The following PSMB7 variants were observed in gnomAD, a reference collection of about 807,000 sequenced individuals.
PSMB7 encodes proteasome subunit beta type-7.
In PSMB7, 5 loss-of-function variants were observed where a neutral mutation model predicts 28.1. The ratio of observed to expected loss-of-function variants is 0.18; its 90% CI spans 0.09 to 0.37. PSMB7 has a LOEUF of 0.37. PSMB7 is among the 10% of genes least tolerant of loss of function. The pLI is 1.00. For missense variants in PSMB7, 275 were observed against 346.2 expected (o/e 0.79, Z 1.63); for synonymous variants, 122 against 123.7 (o/e 0.99, Z 0.09).
Position 124,353,507 on chromosome 9 carries a change from T to C in PSMB7, c.*91A>G. 1 of 998,486 alleles carries C rather than the reference T, an allele frequency of 1.0e-6. No individual in the cohort carries two copies. The highest frequency in any genetic ancestry group is 1.3e-5 in the South Asian group (1 of 74,838). The allele number at this position is 998,486 out of a possible 1,614,324, so 61.9% of individuals were successfully genotyped here. A position where few individuals can be genotyped will look rare whatever the true frequency, so the allele number is the denominator to read the frequency against. ...TTTTTGTTTTTTATTGAGTTGAGTT[T>C]CATTCGGCAAACACTAGCCACATGA... On this transcript the variant is annotated 3_prime_UTR_variant, in exon 8 of 8. Coordinates refer to ENST00000259457, the MANE Select transcript of PSMB7 (RefSeq NM_002799.4).
intron 5 of PSMB7, among the ~76,000 whole-genome samples, chr9:124,386,199 T>C (rs1236366527): frequency 1.3e-5 from 2 of 148,768 alleles, no homozygotes; most frequent in African/African-American, 2.5e-5. Context: ...AAAAGCCCTC[T>C]GAAAAGGAGA....
chr9:124,386,791 T>C (rs893756306), intron 5 of PSMB7, among the ~76,000 whole-genome samples: 8 of 152,108 alleles, frequency 5.3e-5, no homozygotes, highest in Non-Finnish European at 1.2e-4. Context: ...TCACTAGCTG[T>C]TTTTTCCTCC....
chr9:124,398,397 G>A (rs2131172465), intron 5 of PSMB7: 1 of 249,458 alleles, frequency 4.0e-6, no homozygotes, highest in Non-Finnish European at 8.8e-6. Context: ...AACTAAGAGA[G>A]CCACAGAGAC....
intron 5 of PSMB7, among the ~76,000 whole-genome samples, chr9:124,403,141 G>C (rs1830929250): frequency 6.6e-6 from 1 of 151,976 alleles, no homozygotes; most frequent in South Asian, 2.1e-4. Context: ...TCGAATTTCT[G>C]GACCTATGCA....
chr9:124,372,326 C>T (rs1830571373), intron 6 of PSMB7, among the ~76,000 whole-genome samples: 1 of 152,148 alleles, frequency 6.6e-6, no homozygotes, highest in Non-Finnish European at 1.5e-5. Flanking sequence ...CACAGCAGGG[C>T]AGAAGACATG....
intron 6 of PSMB7, among the ~76,000 whole-genome samples, chr9:124,358,765 C>T (rs1190592307): frequency 2.6e-5 from 4 of 152,254 alleles, no homozygotes; most frequent in African/African-American, 9.6e-5. Context: ...CCCTTCTCTT[C>T]TCTACCATTT....
At chr9:124,354,031 C>T (rs1373095236) in intron 7 of PSMB7, among the ~76,000 whole-genome samples, 1 of 152,188 alleles carries the variant, frequency 6.6e-6, no homozygotes, top group African/African-American at 2.4e-5. Context: ...TTCAACCTCC[C>T]TACAATACTG....
At chr9:124,394,671 G>A (rs946876583) in intron 5 of PSMB7, among the ~76,000 whole-genome samples, 5 of 152,036 alleles carry the variant, frequency 3.3e-5, no homozygotes, top group African/African-American at 1.2e-4. Context: ...ACAGAATCAA[G>A]AACAAAATCC....
intron 6 of PSMB7, among the ~76,000 whole-genome samples, chr9:124,374,481 C>G (rs1187003911): frequency 6.6e-6 from 1 of 152,202 alleles, no homozygotes; most frequent in Non-Finnish European, 1.5e-5. Context: ...GTCAAAACAT[C>G]TGATTAGTTA....
At chr9:124,369,376 C>T (rs1046882381) in intron 6 of PSMB7, among the ~76,000 whole-genome samples, 3 of 152,206 alleles carry the variant, frequency 2.0e-5, no homozygotes, top group Admixed American at 6.5e-5. Flanking sequence ...TCTCACATTC[C>T]GCCATGCACA....
intron 6 of PSMB7, among the ~76,000 whole-genome samples, chr9:124,363,016 G>A (rs1003384986): frequency 6.6e-6 from 1 of 152,218 alleles, no homozygotes; most frequent in African/African-American, 2.4e-5. Context: ...TCTAAAGAGA[G>A]AGGATGAAAA....
At chr9:124,368,505 A>G (rs1268950592) in intron 6 of PSMB7, among the ~76,000 whole-genome samples, 1 of 152,250 alleles carries the variant, frequency 6.6e-6, no homozygotes, top group East Asian at 1.9e-4. Flanking sequence ...GAGCTATCAA[A>G]TTCACTGCAT....
At chr9:124,397,027 A>T (rs931413361) in intron 5 of PSMB7, among the ~76,000 whole-genome samples, 3 of 152,238 alleles carry the variant, frequency 2.0e-5, no homozygotes, top group African/African-American at 7.2e-5. Context: ...CTTAAAAAAG[A>T]AGTAAATGAA....
intron 7 of PSMB7, among the ~76,000 whole-genome samples, chr9:124,354,851 C>T (rs1324817559): frequency 2.6e-5 from 4 of 152,318 alleles, no homozygotes; most frequent in Middle Eastern, 3.4e-3. Flanking sequence ...TCAGTGTCTC[C>T]GGGAGGCTTG....
intron 6 of PSMB7, among the ~76,000 whole-genome samples, chr9:124,377,064 T>A (rs1326215218): frequency 6.6e-6 from 1 of 152,204 alleles, no homozygotes; most frequent in Non-Finnish European, 1.5e-5. Context: ...AATAATCACA[T>A]TACTCGTTGC....
intron 7 of PSMB7, among the ~76,000 whole-genome samples, chr9:124,355,275 G>C (rs777631190): frequency 3.0e-4 from 46 of 152,324 alleles, no homozygotes; most frequent in African/African-American, 1.1e-3. Flanking sequence ...CCAAGCAGCC[G>C]CAAGGCGGTT....
chr9:124,382,862 T>G (rs1287818539), intron 6 of PSMB7, among the ~76,000 whole-genome samples: 1 of 152,220 alleles, frequency 6.6e-6, no homozygotes, highest in Non-Finnish European at 1.5e-5. Flanking sequence ...TAAAGTCACT[T>G]CTAATGTACC....
intron 5 of PSMB7, among the ~76,000 whole-genome samples, chr9:124,399,369 G>C (rs971705650): frequency 6.6e-6 from 1 of 152,176 alleles, no homozygotes; most frequent in Admixed American, 6.5e-5. Flanking sequence ...GGGAGTCCTG[G>C]GATCCTGCTT....
intron 6 of PSMB7, among the ~76,000 whole-genome samples, chr9:124,367,655 C>T (rs1033981234): frequency 2.0e-5 from 3 of 152,156 alleles, no homozygotes; most frequent in Non-Finnish European, 2.9e-5. Context: ...TACTTACCAG[C>T]GGTGTGACCT....
Sources: gnomAD v4.1 joint callset for allele counts (sites outside exome capture counted in the v4.1 genomes callset) on GRCh38, gnomAD v4.1.1 for gene constraint, MANE v1.5 for transcripts, NCBI Gene and HGNC (gene_info 2026-07-23, HGNC 2026-07-21) for gene names.